The following CDH20 variants were observed in gnomAD, a reference collection of about 807,000 sequenced individuals.
The protein encoded by CDH20 is cadherin-20.
A neutral mutation model predicts 74.2 loss-of-function variants in CDH20; 29 were observed. That is an observed-to-expected ratio of 0.39 (90% CI 0.29 to 0.53). The LOEUF is 0.53. Among genes scored for constraint, CDH20 ranks in the 20% least tolerant of loss-of-function variants. The pLI is 0.69. For synonymous variants in CDH20, 469 were observed against 405.4 expected (o/e 1.16, Z -1.88); for missense variants, 988 against 1,048.3 (o/e 0.94, Z 0.79).
chr18:61,370,400 G>T (rs1163301045), intron 1 of CDH20, among the ~76,000 whole-genome samples: 1 of 152,018 alleles, frequency 6.6e-6, no homozygotes, highest in African/African-American at 2.4e-5. Flanking sequence ...TTAGGTCCAG[G>T]TAAGTCTAAA....
At chr18:61,540,687 G>A (rs1026067697) in intron 9 of CDH20, among the ~76,000 whole-genome samples, 4 of 152,176 alleles carry the variant, frequency 2.6e-5, no homozygotes, top group Admixed American at 1.3e-4. Context: ...GATTTGGGTG[G>A]GGACACAGCC....
chr18:61,466,881 G>A (rs1451732720), intron 1 of CDH20, among the ~76,000 whole-genome samples: 1 of 152,144 alleles, frequency 6.6e-6, no homozygotes, highest in Non-Finnish European at 1.5e-5. Flanking sequence ...CCTCTTCTCT[G>A]TCCCACTTCC....
chr18:61,461,658 G>A (rs1296844428), intron 1 of CDH20, among the ~76,000 whole-genome samples: 14 of 152,158 alleles, frequency 9.2e-5, no homozygotes, highest in Non-Finnish European at 7.3e-5. Context: ...CAAACAAAGC[G>A]AGGAAAGAAT....
At chr18:61,437,080 A>G (rs2144309822) in intron 1 of CDH20, among the ~76,000 whole-genome samples, 1 of 152,332 alleles carries the variant, frequency 6.6e-6, no homozygotes, top group South Asian at 2.1e-4. Flanking sequence ...TACTTAGCAC[A>G]GTGTCCTGCA....
chr18:61,469,999 T>C (rs1235333275), intron 1 of CDH20, among the ~76,000 whole-genome samples: 1 of 152,234 alleles, frequency 6.6e-6, no homozygotes, highest in African/African-American at 2.4e-5. Flanking sequence ...AGACCATTTT[T>C]CTCATTGCAA....
At chr18:61,445,974 T>C (rs2049621559) in intron 1 of CDH20, among the ~76,000 whole-genome samples, 1 of 151,980 alleles carries the variant, frequency 6.6e-6, no homozygotes, top group Admixed American at 6.6e-5. Context: ...TGTATATAGA[T>C]CTCTCCATGT....
At chr18:61,420,373 T>C (rs1015091613) in intron 1 of CDH20, among the ~76,000 whole-genome samples, 11 of 136,538 alleles carry the variant, frequency 8.1e-5, no homozygotes, top group African/African-American at 1.9e-4. Context: ...TTTTTTTTTT[T>C]CAACAAATAT....
chr18:61,511,036 G>A (rs188178240), intron 6 of CDH20, among the ~76,000 whole-genome samples: 315 of 146,126 alleles, frequency 2.2e-3, no homozygotes, highest in African/African-American at 7.3e-3. Context: ...ACCCAAGCTG[G>A]GGTGTGGTGG....
intron 1 of CDH20, among the ~76,000 whole-genome samples, chr18:61,480,739 A>T (rs966576133): frequency 2.0e-5 from 3 of 152,204 alleles, no homozygotes; most frequent in African/African-American, 7.2e-5. Flanking sequence ...AATTTCTCAA[A>T]TCCCAATTTC....
intron 1 of CDH20, among the ~76,000 whole-genome samples, chr18:61,344,685 A>G (rs1910059418): frequency 6.6e-6 from 1 of 152,098 alleles, no homozygotes; most frequent in African/African-American, 2.4e-5. Context: ...TAAGGTTTTT[A>G]GGGCTTAAAA....
intron 6 of CDH20, among the ~76,000 whole-genome samples, chr18:61,519,165 C>G (rs528818275): frequency 2.0e-5 from 3 of 151,218 alleles, no homozygotes; most frequent in Non-Finnish European, 4.4e-5. Context: ...CTGAAAGTGA[C>G]GGGGAGAATG....
intron 11 of CDH20, 70 bp downstream of exon 11, chr18:61,550,299 T>G: frequency 6.5e-7 from 1 of 1,542,756 alleles, no homozygotes; most frequent in South Asian, 1.2e-5. Context: ...TTCATTACCT[T>G]CCTGACACAG....
intron 1 of CDH20, among the ~76,000 whole-genome samples, chr18:61,352,190 A>G (rs1910327306): frequency 6.6e-6 from 1 of 152,228 alleles, no homozygotes; most frequent in South Asian, 2.1e-4. Context: ...TAACTGGATA[A>G]ACAGGCCTCT....
intron 2 of CDH20, among the ~76,000 whole-genome samples, chr18:61,494,958 C>A (rs1911081136): frequency 6.6e-6 from 1 of 152,194 alleles, no homozygotes; most frequent in South Asian, 2.1e-4. Context: ...AATCCTCAAT[C>A]AGCTAAGATT....
chr18:61,400,584 C>T (rs942549156), intron 1 of CDH20, among the ~76,000 whole-genome samples: 1 of 152,130 alleles, frequency 6.6e-6, no homozygotes. Context: ...GAAAAAGAGA[C>T]AAAGGGAACA....
intron 6 of CDH20, among the ~76,000 whole-genome samples, chr18:61,520,442 GT>G (rs1274784904): frequency 6.6e-6 from 1 of 150,876 alleles, no homozygotes; most frequent in Non-Finnish European, 1.5e-5. Context: ...CATAAAGCAA[GT>G]TCTTAGAGAC....
At chr18:61,474,423 C>T (rs1403122021) in intron 1 of CDH20, among the ~76,000 whole-genome samples, 3 of 152,120 alleles carry the variant, frequency 2.0e-5, no homozygotes, top group Non-Finnish European at 4.4e-5. Flanking sequence ...TTTAGGGCTC[C>T]ATGGATTTCT....
chr18:61,527,366 A>AACAGATAG (rs1555683338), intron 6 of CDH20, among the ~76,000 whole-genome samples: 1 of 142,148 alleles, frequency 7.0e-6, no homozygotes, highest in African/African-American at 2.6e-5. Flanking sequence ...TGAATATTCT[A>AACAGATAG]ATAGATAGAT....
At chr18:61,416,872 T>C (rs1279783129) in intron 1 of CDH20, among the ~76,000 whole-genome samples, 1 of 152,164 alleles carries the variant, frequency 6.6e-6, no homozygotes, top group East Asian at 1.9e-4. Flanking sequence ...AGAAGATGAC[T>C]ACAAACACAT....
Sources: allele counts gnomAD v4.1 joint callset (sites outside exome capture counted in the v4.1 genomes callset), GRCh38; gene constraint gnomAD v4.1.1; transcripts MANE v1.5; gene names NCBI Gene and HGNC (gene_info 2026-07-23, HGNC 2026-07-21).